Variants in SYNRG observed in about 807,000 individuals in gnomAD.
The protein encoded by SYNRG is synergin gamma.
SYNRG carries 37 observed loss-of-function variants against 130.9 expected under a neutral mutation model. That is an observed-to-expected ratio of 0.28 (90% confidence interval 0.22 to 0.37). The LOEUF (loss-of-function observed/expected upper bound fraction) is 0.37. Among genes scored for constraint, SYNRG ranks in the 10% least tolerant of loss-of-function variants. The pLI is 1.00. For synonymous variants in SYNRG, 539 were observed against 568.1 expected, an observed-to-expected ratio of 0.95 and a Z score of 0.73; for missense variants, 1,338 against 1,588.9, an observed-to-expected ratio of 0.84 and a Z score of 2.68.
At chr17:37,527,267 TTC>T (rs71778285) in intron 19 of SYNRG, among the ~76,000 whole-genome samples, 1,792 of 152,318 alleles carry the variant, frequency 0.012, 28 homozygotes, top group African/African-American at 0.041. Flanking sequence ...CAGGACAGAA[TTC>T]TCTGTTTGTT....
intron 19 of SYNRG, among the ~76,000 whole-genome samples, chr17:37,524,095 G>A (rs1427553023): frequency 6.6e-6 from 1 of 152,162 alleles, no homozygotes; most frequent in African/African-American, 2.4e-5. Flanking sequence ...CAGGGGAAGC[G>A]AGGGCTCTGT....
chr17:37,596,199 G>A lies in SYNRG; in HGVS notation c.240+24C>T, dbSNP rs1448337614. Reference sequence around the variant, plus strand: ...GTAACAACAAACAATAACTTTGTAAGAAACCAACTAAAGAAGCAAGTACCT... The same window carrying A: ...GTAACAACAAACAATAACTTTGTAAAAAACCAACTAAAGAAGCAAGTACCT... On this transcript the variant is annotated intron_variant, in intron 3 of 21. Coordinates refer to ENST00000612223, the MANE Select transcript of SYNRG (RefSeq NM_007247.6). The A allele has an allele frequency of 1.9e-6, 3 of 1,611,292 alleles. No individual in the cohort carries two copies. In the African/African-American group the frequency reaches 4.0e-5, roughly 22 times the overall value.
At chr17:37,591,413 T>C (rs2062178267) in intron 3 of SYNRG, among the ~76,000 whole-genome samples, 1 of 152,180 alleles carries the variant, frequency 6.6e-6, no homozygotes, top group Admixed American at 6.5e-5. Flanking sequence ...ATACAGAGGT[T>C]TAACACAATG....
intron 10 of SYNRG, among the ~76,000 whole-genome samples, chr17:37,569,378 C>A (rs1598408475): frequency 2.7e-5 from 4 of 150,312 alleles, no homozygotes; most frequent in African/African-American, 9.8e-5. Flanking sequence ...CCACTGCACT[C>A]CAGCCTGGGC....
At chr17:37,578,540 T>G (rs1014691608) in intron 6 of SYNRG, among the ~76,000 whole-genome samples, 6 of 152,138 alleles carry the variant, frequency 3.9e-5, no homozygotes, top group African/African-American at 1.4e-4. Flanking sequence ...CACTAACTCC[T>G]AGGGAGGCCT....
Position 37,561,474 on chromosome 17 carries a change from C to T in SYNRG, c.1597G>A (p.Gly533Arg). Residue 533 changes from glycine (G) to arginine (R), a missense_variant, in exon 12 of 22, where the codon GGA (glycine) becomes AGA (arginine). This residue lies in a region of SYNRG where 1,146 missense variants were observed against 1,342.3 expected (regional missense o/e 0.85). Transcript: ENST00000612223. ...DKSSENTVPP[G>R]DPGDKYSAFR... ...TATGAATTTACCAACTTTTTACCTC[C>T]AGGTGGAACAGTATTTTCAGAGGAC... 1.9e-6 allele frequency: 3 copies of T among 1,611,932 alleles called. No homozygotes were observed. Among genetic ancestry groups the T allele is most frequent in the Non-Finnish European group, 2.5e-6 (3 of 1,178,194 alleles).
At chr17:37,570,508 A>G in intron 10 of SYNRG, 129 bp downstream of exon 10, 1 of 1,277,434 alleles carries the variant, frequency 7.8e-7, no homozygotes, top group Non-Finnish European at 1.0e-6. Context: ...AGTTTTTCTG[A>G]AAGATACAAC....
At chr17:37,564,694 C>T (rs992034081) in intron 11 of SYNRG, among the ~76,000 whole-genome samples, 1 of 152,166 alleles carries the variant, frequency 6.6e-6, no homozygotes, top group Non-Finnish European at 1.5e-5. Flanking sequence ...GCTATTCACA[C>T]CATGATTTAA....
At chr17:37,537,810 A>T (rs2057352944) in intron 18 of SYNRG, among the ~76,000 whole-genome samples, 1 of 152,220 alleles carries the variant, frequency 6.6e-6, no homozygotes, top group Admixed American at 6.5e-5. Context: ...TTGAGTAAAG[A>T]TTTGAAAAAG....
intron 19 of SYNRG, among the ~76,000 whole-genome samples, chr17:37,522,647 T>C (rs1458907108): frequency 6.7e-6 from 1 of 149,096 alleles, no homozygotes; most frequent in African/African-American, 2.5e-5. Context: ...CTTTTTTTTT[T>C]TTTTTTTTTT....
intron 19 of SYNRG, among the ~76,000 whole-genome samples, chr17:37,533,569 T>C (rs12941000): frequency 0.21 from 31,329 of 151,024 alleles, 3,479 homozygotes; most frequent in Admixed American, 0.32. Flanking sequence ...TTTCATTATA[T>C]TTTCTTTCTT....
At position 37,553,142 on chromosome 17, in the gene SYNRG, C is replaced by G; in HGVS notation, c.2581G>C (p.Val861Leu). Residue 861 changes from valine (V) to leucine (L), a missense_variant, in exon 14 of 22, where the codon GTT (valine) becomes CTT (leucine). Val to Leu is a conservative substitution (Grantham distance 32, BLOSUM62 1). Coordinates refer to ENST00000612223, the MANE Select transcript of SYNRG (RefSeq NM_007247.6). ...MSDSSLDLPT[V>L]SGQHPPAADI... ...GCAGCAGGAGGATGCTGGCCACTAA[C>G]TGTTGGTAAATCCAAAGAGCTATCA... 2 of 1,613,530 alleles carry G rather than the reference C, an allele frequency of 1.2e-6. No individual in the cohort carries two copies. The highest frequency in any genetic ancestry group is 1.7e-6 in the Non-Finnish European group (2 of 1,179,854).
intron 7 of SYNRG, 56 bp downstream of exon 7, chr17:37,577,324 G>A (rs2060915973): frequency 6.7e-7 from 1 of 1,487,740 alleles, no homozygotes; most frequent in African/African-American, 1.4e-5. Context: ...TAAGGTGTTA[G>A]CATTTGAGCA....
rs2054536167 is a variant in SYNRG at position 37,517,732 on chromosome 17, G to A, written c.*1208C>T. 1 of 152,102 alleles carries A rather than the reference G, an allele frequency of 6.6e-6. No individual in the cohort carries two copies. The highest frequency in any genetic ancestry group is 1.5e-5 in the Non-Finnish European group (1 of 68,004). 9.4% of individuals were successfully genotyped at this position (152,102 alleles called of 1,614,324 possible). ...CACACAAAGTAAAGCACACGAGATT[G>A]AAAAATCTCTTCATAAAGCGCATAA... On this transcript the variant is annotated 3_prime_UTR_variant, in exon 22 of 22. Coordinates refer to ENST00000612223, the MANE Select transcript of SYNRG (RefSeq NM_007247.6).
rs577824706 is a variant in SYNRG at position 37,575,623 on chromosome 17, T to C, written c.901+718A>G. Among the ~76,000 whole-genome samples the C allele has an allele frequency of 1.1e-4, 16 of 151,950 alleles. 1 individual carries two copies. The highest frequency in any genetic ancestry group is 3.9e-4 in the African/African-American group (16 of 41,446). On this transcript the variant is annotated intron_variant, in intron 8 of 21. Transcript: ENST00000612223. ...TGGGAGACCAAGGCAGGCAGATCACTTGAGCCCAGGAGTTTGAGACCAGCC... is the reference window on the plus strand; with the variant it reads ...TGGGAGACCAAGGCAGGCAGATCACCTGAGCCCAGGAGTTTGAGACCAGCC...
At chr17:37,590,229 G>A (rs1245397698) in intron 3 of SYNRG, among the ~76,000 whole-genome samples, 1 of 150,988 alleles carries the variant, frequency 6.6e-6, no homozygotes, top group Admixed American at 6.6e-5. Flanking sequence ...AGAAGATACA[G>A]GTAGGGAAGA....
chr17:37,598,192 G>T (rs527743658), intron 2 of SYNRG, among the ~76,000 whole-genome samples: 1 of 152,322 alleles, frequency 6.6e-6, no homozygotes, highest in South Asian at 2.1e-4. Flanking sequence ...GTCAGGTGGT[G>T]ATAAGAGCTA....
At chr17:37,544,425 C>T (rs901434931) in intron 14 of SYNRG, among the ~76,000 whole-genome samples, 8 of 152,004 alleles carry the variant, frequency 5.3e-5, no homozygotes, top group Non-Finnish European at 8.8e-5. Context: ...AGCGATTCTC[C>T]GGTCTCAGCC....
rs188673146 is a variant in SYNRG at position 37,557,395 on chromosome 17, A to G, written c.1664-3336T>C. Among the ~76,000 whole-genome samples, 185 of 152,372 alleles carry G rather than the reference A, an allele frequency of 1.2e-3. 2 individuals are homozygous for G. The highest frequency in any genetic ancestry group is 4.1e-4 in the Non-Finnish European group (28 of 68,036). ...TTCATAAATTCTAAGATACTAACGT[A>G]CTTTGACGAAGTCAAGCCAATGTAT... On this transcript the variant is annotated intron_variant, in intron 13 of 21. Transcript: ENST00000612223.
Sources: gnomAD v4.1 joint callset for allele counts (sites outside exome capture counted in the v4.1 genomes callset) on GRCh38, gnomAD v4.1.1 for gene constraint, gnomAD v4.1.1 regional missense constraint, MANE v1.5 for transcripts, NCBI Gene and HGNC (gene_info 2026-07-23, HGNC 2026-07-21) for gene names.